The following RAB2A variants were observed in gnomAD, a reference collection of about 807,000 sequenced individuals.
RAB2A encodes the protein ras-related protein Rab-2A.
In RAB2A, 7 loss-of-function variants were observed where a neutral mutation model predicts 32.5. That is an observed-to-expected ratio of 0.22 (90% CI 0.12 to 0.40). The LOEUF is 0.40. Among genes scored for constraint, RAB2A ranks in the 10% least tolerant of loss-of-function variants. RAB2A has a pLI of 1.00. For missense variants in RAB2A, 108 were observed against 260.7 expected, an observed-to-expected ratio of 0.41 and a Z score of 4.03; for synonymous variants, 79 against 85.2, an observed-to-expected ratio of 0.93 and a Z score of 0.40.
intron 1 of RAB2A, among the ~76,000 whole-genome samples, chr8:60,550,156 C>G (rs970659849): frequency 3.3e-5 from 5 of 152,214 alleles, no homozygotes; most frequent in African/African-American, 1.2e-4. Flanking sequence ...TCTGTCCACT[C>G]TCAATCTGCT....
chr8:60,580,382 A>G (rs1418489271), intron 3 of RAB2A, among the ~76,000 whole-genome samples: 1 of 152,162 alleles, frequency 6.6e-6, no homozygotes, highest in South Asian at 2.1e-4. Flanking sequence ...TAGTTGTTAT[A>G]TAACAGTTTA....
At chr8:60,551,924 C>T (rs55902843) in intron 1 of RAB2A, 3,527 of 140,102 alleles carry the variant, frequency 0.025, 64 homozygotes, top group Middle Eastern at 0.049. Context: ...AGTTCAGTGG[C>T]ACGATCTCGG....
chr8:60,614,744 A>G (rs1804420896), intron 6 of RAB2A, among the ~76,000 whole-genome samples: 1 of 152,208 alleles, frequency 6.6e-6, no homozygotes, highest in African/African-American at 2.4e-5. Flanking sequence ...ATTCAGATTA[A>G]CTGCTGCCAA....
chr8:60,530,143 T>C (rs1807453439), intron 1 of RAB2A, among the ~76,000 whole-genome samples: 1 of 144,470 alleles, frequency 6.9e-6, no homozygotes, highest in Non-Finnish European at 1.5e-5. Context: ...AATTTTTTTT[T>C]CTTTTTTTTT....
intron 5 of RAB2A, 132 bp from the exon 6 acceptor site, chr8:60,591,726 A>G (rs950853922): frequency 5.1e-6 from 3 of 592,240 alleles, no homozygotes; most frequent in Admixed American, 5.7e-5. Context: ...ACCCTGAATA[A>G]TACAGTTAGT....
rs1804562507 is a variant in RAB2A, at chr8:60,623,494, C to T, written c.*2725C>T. 6.6e-6 allele frequency: 1 copy of T among 152,090 alleles called. No individual in the cohort carries two copies. The highest frequency in any genetic ancestry group is 1.5e-5 in the Non-Finnish European group (1 of 68,016). The allele number at this position is 152,090 out of a possible 1,614,324, so 9.4% of individuals were successfully genotyped here. On this transcript the variant is annotated 3_prime_UTR_variant, in exon 8 of 8. Coordinates refer to ENST00000262646, the MANE Select transcript of RAB2A (RefSeq NM_002865.3). ...TTGACTATATGAGCTAAAAGATACA[C>T]AAAGAGATAACGCTGTTTCATAATA... is the stretch of plus-strand genomic sequence containing the variant.
At chr8:60,590,980 G>T (rs1803933562) in intron 5 of RAB2A, among the ~76,000 whole-genome samples, 1 of 151,978 alleles carries the variant, frequency 6.6e-6, no homozygotes, top group African/African-American at 2.4e-5. Flanking sequence ...TTCTGCTGTT[G>T]CTGATTTTAT....
chr8:60,560,363 A>G (rs1808003225), intron 2 of RAB2A, among the ~76,000 whole-genome samples: 1 of 152,220 alleles, frequency 6.6e-6, no homozygotes, highest in African/African-American at 2.4e-5. Flanking sequence ...TGCTGGGATT[A>G]CAGGTGTGAG....
intron 5 of RAB2A, among the ~76,000 whole-genome samples, chr8:60,591,462 C>G (rs1803942842): frequency 6.6e-6 from 1 of 152,130 alleles, no homozygotes; most frequent in Non-Finnish European, 1.5e-5. Flanking sequence ...GTATTTTAAT[C>G]ACATTCATAG....
chr8:60,525,802 C>T (rs1457218114), intron 1 of RAB2A, among the ~76,000 whole-genome samples: 1 of 151,714 alleles, frequency 6.6e-6, no homozygotes. Flanking sequence ...TGAATGTGTG[C>T]TAGGTAGGTT....
At chr8:60,529,515 C>T (rs1012302162) in intron 1 of RAB2A, among the ~76,000 whole-genome samples, 2 of 152,108 alleles carry the variant, frequency 1.3e-5, no homozygotes, top group Non-Finnish European at 2.9e-5. Flanking sequence ...GGAGGAGTTA[C>T]TCCGTTGTCA....
In RAB2A at chr8:60,620,968, T is replaced by G; in HGVS notation, c.*199T>G. 2.0e-6 allele frequency: 1 copy of G among 505,740 alleles called. No individual in the cohort carries two copies. The highest frequency in any genetic ancestry group is 3.5e-6 in the Non-Finnish European group (1 of 288,706). The allele number at this position is 505,740 out of a possible 1,614,324, so 31.3% of individuals were successfully genotyped here. A position where few individuals can be genotyped will look rare whatever the true frequency, so the allele number is the denominator to read the frequency against. The stretch of plus-strand genomic sequence containing the variant: ...ACAGATTTTGGAGATTGTATTCATA[T>G]CTATTTGCATTTGATTTCTAGGTCA... On this transcript the variant is annotated 3_prime_UTR_variant, in exon 8 of 8. Coordinates refer to ENST00000262646, the MANE Select transcript of RAB2A (RefSeq NM_002865.3).
chr8:60,557,394 T>C (rs1291377130), intron 1 of RAB2A, among the ~76,000 whole-genome samples: 3 of 152,104 alleles, frequency 2.0e-5, no homozygotes, highest in Non-Finnish European at 2.9e-5. Flanking sequence ...TGTGCGCCTG[T>C]TATGCCAACT....
chr8:60,567,830 A>G (rs1808138534), intron 2 of RAB2A, among the ~76,000 whole-genome samples: 1 of 152,012 alleles, frequency 6.6e-6, no homozygotes, highest in Admixed American at 6.5e-5. Flanking sequence ...TGTAAGTTAC[A>G]ATTTTTTCCT....
chr8:60,541,846 G>A (rs771589449), intron 1 of RAB2A, among the ~76,000 whole-genome samples: 2 of 152,066 alleles, frequency 1.3e-5, no homozygotes, highest in African/African-American at 2.4e-5. Context: ...TGGAGTCCAC[G>A]TCACACCCAA....
intron 5 of RAB2A, among the ~76,000 whole-genome samples, chr8:60,591,486 C>G (rs1803943419): frequency 6.6e-6 from 1 of 152,162 alleles, no homozygotes; most frequent in Non-Finnish European, 1.5e-5. Context: ...CTCAGTCAGT[C>G]TGGCCAATGG....
At chr8:60,564,478 T>C (rs1808074051) in intron 2 of RAB2A, among the ~76,000 whole-genome samples, 1 of 152,200 alleles carries the variant, frequency 6.6e-6, no homozygotes, top group South Asian at 2.1e-4. Context: ...ACAGAATGAA[T>C]TGTTCATATT....
chr8:60,582,498 T>A (rs1803778559), intron 3 of RAB2A, among the ~76,000 whole-genome samples: 1 of 152,132 alleles, frequency 6.6e-6, no homozygotes, highest in Non-Finnish European at 1.5e-5. Context: ...ACATTAGGAT[T>A]TCTTGTTTCA....
At chr8:60,570,400 T>A (rs1808180409) in intron 2 of RAB2A, among the ~76,000 whole-genome samples, 1 of 152,182 alleles carries the variant, frequency 6.6e-6, no homozygotes, top group Admixed American at 6.5e-5. Flanking sequence ...TTCAGTATAC[T>A]CCTTTTCAGT....
Sources: gnomAD v4.1 joint callset for allele counts (sites outside exome capture counted in the v4.1 genomes callset) on GRCh38, gnomAD v4.1.1 for gene constraint, MANE v1.5 for transcripts, NCBI Gene and HGNC (gene_info 2026-07-23, HGNC 2026-07-21) for gene names.